Variants in PDZD2 observed in about 807,000 individuals in gnomAD.
PDZD2 encodes the protein PDZ domain containing 2.
In PDZD2, 90 loss-of-function variants were observed where a neutral mutation model predicts 220.7. The observed-to-expected ratio is 0.41, with a 90% CI of 0.34 to 0.49. PDZD2 has a LOEUF of 0.49. PDZD2 is among the 20% of genes least tolerant of loss of function. The pLI is 0.28. For missense variants in PDZD2, 3,174 were observed against 3,608.5 expected (o/e 0.88, Z 3.08); for synonymous variants, 1,375 against 1,450.5 (o/e 0.95, Z 1.18).
At chr5:31,652,885 G>A (rs1026666910) in intron 1 of PDZD2, among the ~76,000 whole-genome samples, 14 of 152,100 alleles carry the variant, frequency 9.2e-5, no homozygotes, top group African/African-American at 3.1e-4. Flanking sequence ...GGTGGTACAC[G>A]CCTGTAGTCT....
At chr5:31,678,095 C>G (rs1746510747) in intron 1 of PDZD2, among the ~76,000 whole-genome samples, 1 of 152,192 alleles carries the variant, frequency 6.6e-6, no homozygotes, top group African/African-American at 2.4e-5. Flanking sequence ...CAGTAAAGGT[C>G]TTTATAAGGA....
intron 1 of PDZD2, among the ~76,000 whole-genome samples, chr5:31,702,245 C>A (rs1232592285): frequency 2.0e-5 from 3 of 152,150 alleles, no homozygotes. Flanking sequence ...CTCATATAAT[C>A]TTTAAGCCAT....
chr5:32,057,830 A>G (rs1450674503), intron 11 of PDZD2, 48 bp from the exon 12 acceptor site: 2 of 1,449,302 alleles, frequency 1.4e-6, no homozygotes, highest in Non-Finnish European at 1.9e-6. Context: ...CCTTTGATAT[A>G]AGGACATTCC....
chr5:32,034,842 T>C (rs867327901), intron 6 of PDZD2, among the ~76,000 whole-genome samples: 1 of 152,176 alleles, frequency 6.6e-6, no homozygotes, highest in Non-Finnish European at 1.5e-5. Flanking sequence ...GAGATGGCTC[T>C]TTCTTCTCTG....
At chr5:31,784,427 C>T (rs912288039) in intron 1 of PDZD2, among the ~76,000 whole-genome samples, 1 of 152,158 alleles carries the variant, frequency 6.6e-6, no homozygotes, top group Non-Finnish European at 1.5e-5. Context: ...CTTGAATGCA[C>T]GTAGAAAACA....
Position 31,646,009 on chromosome 5 carries a change from G to T in PDZD2, c.-361+6572G>T, listed in dbSNP as rs1485614348. 6.8e-6 allele frequency among the ~76,000 whole-genome samples: 1 copy of T among 147,952 alleles called. No homozygotes were observed. The highest frequency in any genetic ancestry group is 1.5e-5 in the Non-Finnish European group (1 of 66,480). On this transcript the variant is annotated intron_variant, in intron 1 of 24. Coordinates refer to ENST00000438447, the MANE Select transcript of PDZD2 (RefSeq NM_178140.4). This position sits in a 1 kb window ranked among gnomAD's most constrained non-coding sequence, Gnocchi z 4.7. The stretch of plus-strand genomic sequence containing the variant: ...GCCTCCGGGCATCCCCAGGCAGCTG[G>T]TGGGAGGAGAGAGGGTGTCAGGGAG...
chr5:32,105,350 C>CAAGT (rs1744665378), intron 24 of PDZD2, among the ~76,000 whole-genome samples: 1 of 152,086 alleles, frequency 6.6e-6, no homozygotes, highest in Non-Finnish European at 1.5e-5. Context: ...TTTAATCTAT[C>CAAGT]AAGTTGGCCA....
intron 2 of PDZD2, among the ~76,000 whole-genome samples, chr5:31,968,349 C>T (rs1748953169): frequency 6.6e-6 from 1 of 151,790 alleles, no homozygotes; most frequent in African/African-American, 2.4e-5. Flanking sequence ...CAGAGTGAGA[C>T]TGTGTCTCAA....
chr5:32,091,729 TC>T (rs1012828845), intron 20 of PDZD2, among the ~76,000 whole-genome samples: 1 of 152,208 alleles, frequency 6.6e-6, no homozygotes, highest in African/African-American at 2.4e-5. Flanking sequence ...CGTTTTTCTG[TC>T]CCAGGATCCA....
chr5:31,955,553 C>T (rs564050092), intron 2 of PDZD2, among the ~76,000 whole-genome samples: 5 of 152,178 alleles, frequency 3.3e-5, no homozygotes, highest in African/African-American at 1.2e-4. Context: ...TGCCCCACCT[C>T]GGCCTCCCAA....
At chr5:31,660,571 G>A (rs1456390572) in intron 1 of PDZD2, among the ~76,000 whole-genome samples, 3 of 152,120 alleles carry the variant, frequency 2.0e-5, no homozygotes, top group Admixed American at 6.6e-5. Context: ...AGAGGGGAAA[G>A]CCCCTTATAA....
intron 1 of PDZD2, among the ~76,000 whole-genome samples, chr5:31,721,717 A>T (rs200996777): frequency 1.4e-4 from 20 of 141,294 alleles, no homozygotes; most frequent in Non-Finnish European, 2.0e-4. Flanking sequence ...TTAGATTCTT[A>T]AAAAAAATGA....
At chr5:31,682,659 TCA>T (rs1211555535) in intron 1 of PDZD2, among the ~76,000 whole-genome samples, 2 of 151,336 alleles carry the variant, frequency 1.3e-5, no homozygotes, top group Non-Finnish European at 2.9e-5. Context: ...TAGCGCATTC[TCA>T]GTCTTTCGGC....
chr5:31,903,150 C>A (rs147870331), intron 2 of PDZD2, among the ~76,000 whole-genome samples: 1 of 151,632 alleles, frequency 6.6e-6, no homozygotes, highest in African/African-American at 2.4e-5. Context: ...AAAAATTAGC[C>A]GGGCGTGGTA....
At chr5:31,829,045 C>G (rs1756396094) in intron 2 of PDZD2, among the ~76,000 whole-genome samples, 1 of 152,182 alleles carries the variant, frequency 6.6e-6, no homozygotes, top group Non-Finnish European at 1.5e-5. Context: ...TTTCAGAGAG[C>G]TGTTGGACAG....
chr5:31,986,637 C>G (rs1197680853), intron 3 of PDZD2, among the ~76,000 whole-genome samples: 1 of 141,092 alleles, frequency 7.1e-6, no homozygotes, highest in Non-Finnish European at 1.5e-5. Flanking sequence ...TGCCTATTTA[C>G]CTCTTAAGCC....
intron 2 of PDZD2, among the ~76,000 whole-genome samples, chr5:31,956,354 A>G (rs1286612093): frequency 1.7e-5 from 1 of 59,952 alleles, no homozygotes; most frequent in Non-Finnish European, 3.8e-5. Flanking sequence ...TTTTTTTTTG[A>G]AAAGATAAAG....
intron 2 of PDZD2, among the ~76,000 whole-genome samples, chr5:31,887,419 G>A (rs761493662): frequency 9.2e-5 from 14 of 152,122 alleles, no homozygotes; most frequent in African/African-American, 1.7e-4. Flanking sequence ...GACCACATTC[G>A]GAGCCTGAGA....
intron 1 of PDZD2, among the ~76,000 whole-genome samples, chr5:31,746,827 G>A (rs945110603): frequency 1.3e-5 from 2 of 152,210 alleles, no homozygotes; most frequent in Admixed American, 1.3e-4. Context: ...AGGAGTCCCT[G>A]TAACGAAAGA....
Sources: allele counts gnomAD v4.1 joint callset (sites outside exome capture counted in the v4.1 genomes callset), GRCh38; gene constraint gnomAD v4.1.1; non-coding constraint Gnocchi (gnomAD v3.1); transcripts MANE v1.5; gene names NCBI Gene and HGNC (gene_info 2026-07-23, HGNC 2026-07-21).